ACADL: variants seen among roughly 807,000 people sequenced by gnomAD.
ACADL encodes the protein long-chain specific acyl-CoA dehydrogenase, mitochondrial.
In ACADL, 60 loss-of-function variants were observed where a neutral mutation model predicts 56.9. The ratio of observed to expected loss-of-function variants is 1.05; its 90% CI spans 0.86 to 1.31. The LOEUF (loss-of-function observed/expected upper bound fraction) is 1.31, where lower values mean the gene tolerates loss of function less well. ACADL is among the 50% of genes most tolerant of loss of function. The pLI is 0.00. For missense variants in ACADL, 484 were observed against 525.5 expected, an observed-to-expected ratio of 0.92 and a Z score of 0.77; for synonymous variants, 158 against 179.7, an observed-to-expected ratio of 0.88 and a Z score of 0.97.
At chr2:210,212,094 A>G (rs1164169913) in intron 4 of ACADL, among the ~76,000 whole-genome samples, 4 of 151,432 alleles carry the variant, frequency 2.6e-5, no homozygotes, top group African/African-American at 9.7e-5. Context: ...TGGCCTCCGA[A>G]AGTGTTGGGA....
chr2:210,188,841 T>A lies in ACADL; in HGVS notation c.*120A>T. On this transcript the variant is annotated 3_prime_UTR_variant, in exon 11 of 11. Coordinates refer to ENST00000233710, the MANE Select transcript of ACADL (RefSeq NM_001608.4). ...CTTATATTTATATTTTATTTCCTTC[T>A]CTATAGAGAGAGCAGGTAAAAACAT... 1.3e-6 allele frequency: 1 copy of A among 749,122 alleles called. No individual in the cohort carries two copies. Among genetic ancestry groups the A allele is most frequent in the East Asian group, 2.7e-5 (1 of 37,460 alleles). The allele number at this position is 749,122 out of a possible 1,614,324, so 46.4% of individuals were successfully genotyped here. A position where few individuals can be genotyped will look rare whatever the true frequency, so the allele number is the denominator to read the frequency against.
chr2:210,189,476 A>G (rs1405781258), intron 10 of ACADL, among the ~76,000 whole-genome samples: 1 of 152,194 alleles, frequency 6.6e-6, no homozygotes, highest in East Asian at 1.9e-4. Context: ...AAGAAAAAAG[A>G]TACATATTTT....
At chr2:210,191,319 T>C (rs946949536) in intron 10 of ACADL, among the ~76,000 whole-genome samples, 2 of 152,212 alleles carry the variant, frequency 1.3e-5, no homozygotes, top group African/African-American at 4.8e-5. Flanking sequence ...AAGGTGATTA[T>C]TGTTTCTTAA....
At chr2:210,208,134 A>T (rs1688919549) in intron 5 of ACADL, among the ~76,000 whole-genome samples, 1 of 152,180 alleles carries the variant, frequency 6.6e-6, no homozygotes, top group South Asian at 2.1e-4. Context: ...TTTGTTTTGC[A>T]TCACACAGCA....
At chr2:210,189,086 A>G in intron 10 of ACADL, 32 bp from the exon 11 acceptor site, 1 of 1,468,252 alleles carries the variant, frequency 6.8e-7, no homozygotes, top group Non-Finnish European at 9.5e-7. Context: ...ATGAATAAAT[A>G]AAATATATTA....
At chr2:210,190,923 G>GTTTTTTTTTTT (rs55775332) in intron 10 of ACADL, among the ~76,000 whole-genome samples, 1 of 142,316 alleles carries the variant, frequency 7.0e-6, no homozygotes, top group Non-Finnish European at 1.5e-5. Flanking sequence ...GTTGTTGTTT[G>GTTTTTTTTTTT]TTTTTTTTTT....
At chr2:210,201,245 C>T (rs1237765711) in intron 8 of ACADL, among the ~76,000 whole-genome samples, 1 of 152,046 alleles carries the variant, frequency 6.6e-6, no homozygotes, top group African/African-American at 2.4e-5. Flanking sequence ...CTGAGAGTTC[C>T]TTTCTCCTTT....
intron 4 of ACADL, among the ~76,000 whole-genome samples, chr2:210,212,616 GC>G (rs1420220313): frequency 6.6e-5 from 10 of 152,116 alleles, no homozygotes; most frequent in African/African-American, 2.4e-4. Flanking sequence ...TGTCACAGAC[GC>G]CATAAAGCAA....
chr2:210,193,691 G>A (rs2125708836), intron 9 of ACADL, among the ~76,000 whole-genome samples: 1 of 151,538 alleles, frequency 6.6e-6, no homozygotes, highest in South Asian at 2.1e-4. Flanking sequence ...TTTTAGTGAT[G>A]GAGTCTCACC....
At chr2:210,216,918 A>T (rs1343839326) in intron 3 of ACADL, among the ~76,000 whole-genome samples, 1 of 152,000 alleles carries the variant, frequency 6.6e-6, no homozygotes, top group East Asian at 1.9e-4. Context: ...AAAAATAGAA[A>T]AAAAGAAAAA....
intron 1 of ACADL, 74 bp from the exon 2 acceptor site, chr2:210,220,876 C>G: frequency 8.6e-7 from 1 of 1,167,672 alleles, no homozygotes; most frequent in East Asian, 2.6e-5. Context: ...TGCCACTGAA[C>G]AACATGGATT....
intron 4 of ACADL, among the ~76,000 whole-genome samples, chr2:210,212,106 T>C (rs545642824): frequency 5.3e-5 from 8 of 152,074 alleles, no homozygotes; most frequent in African/African-American, 1.7e-4. Flanking sequence ...GTGTTGGGAT[T>C]ACAGGCGTGA....
At chr2:210,211,976 G>A (rs1263484136) in intron 4 of ACADL, among the ~76,000 whole-genome samples, 8 of 151,928 alleles carry the variant, frequency 5.3e-5, no homozygotes, top group Admixed American at 6.6e-5. Flanking sequence ...GATTACAGGC[G>A]TATGCCACCA....
chr2:210,195,907 C>T (rs1376814690), intron 8 of ACADL, among the ~76,000 whole-genome samples: 1 of 152,190 alleles, frequency 6.6e-6, no homozygotes, highest in African/African-American at 2.4e-5. Flanking sequence ...AATCAGAGTA[C>T]TAAAGAGATC....
intron 3 of ACADL, chr2:210,217,699 A>G: frequency 2.5e-6 from 1 of 405,608 alleles, no homozygotes; most frequent in Non-Finnish European, 4.4e-6. Context: ...GGGAAAAGTA[A>G]CCATAAGCAT....
chr2:210,203,483 T>G, intron 7 of ACADL, 39 bp from the exon 8 acceptor site: 1 of 1,278,194 alleles, frequency 7.8e-7, no homozygotes, highest in Non-Finnish European at 1.1e-6. Flanking sequence ...TTACTCTAAT[T>G]ATGCAAGTGA....
chr2:210,211,228 A>G (rs1029885470), intron 4 of ACADL, among the ~76,000 whole-genome samples: 1 of 152,216 alleles, frequency 6.6e-6, no homozygotes, highest in African/African-American at 2.4e-5. Context: ...TGTTAACAAT[A>G]TCTAATGACT....
chr2:210,196,280 A>T (rs1053439640), intron 8 of ACADL, among the ~76,000 whole-genome samples: 4 of 151,788 alleles, frequency 2.6e-5, no homozygotes, highest in Admixed American at 1.3e-4. Context: ...TTTTTTTAAT[A>T]AATTACCCAG....
chr2:210,196,506 C>T (rs1688713139), intron 8 of ACADL, among the ~76,000 whole-genome samples: 1 of 152,140 alleles, frequency 6.6e-6, no homozygotes, highest in Non-Finnish European at 1.5e-5. Flanking sequence ...GCTGACTGTC[C>T]TTGCTTCAAT....
Sources: allele counts gnomAD v4.1 joint callset (sites outside exome capture counted in the v4.1 genomes callset), GRCh38; gene constraint gnomAD v4.1.1; transcripts MANE v1.5; gene names NCBI Gene and HGNC (gene_info 2026-07-23, HGNC 2026-07-21).